The following HBE1 variants were observed in gnomAD, a reference collection of about 807,000 sequenced individuals.
HBE1 encodes the protein hemoglobin subunit epsilon 1, also known as hemoglobin subunit epsilon.
A neutral mutation model predicts 12.1 loss-of-function variants in HBE1; 10 were observed. That is an observed-to-expected ratio of 0.83 (90% CI 0.51 to 1.40). The LOEUF is 1.40. Ranked by LOEUF, HBE1 falls within the 40% of genes most tolerant of loss-of-function variation. The pLI, the probability that HBE1 is intolerant of heterozygous loss-of-function variation, is 0.00. For missense variants in HBE1, 172 were observed against 175.8 expected (o/e 0.98, Z 0.12); for synonymous variants, 78 against 70.4 (o/e 1.11, Z -0.54).
rs1343175813 is a variant in HBE1 at position 5,268,465 on chromosome 11, G to T, written c.*4C>A. The T allele has an allele frequency of 6.8e-6, 11 of 1,613,014 alleles. No homozygotes were observed. Among genetic ancestry groups the T allele is most frequent in the South Asian group, 1.1e-5 (1 of 90,978 alleles). On this transcript the variant is annotated 3_prime_UTR_variant, in exon 3 of 3. Coordinates refer to ENST00000396895, the MANE Select transcript of HBE1 (RefSeq NM_005330.4). ...ACAGGAACACCTGCAAACTGGAAGAGAACTCAGTGGTACTTATGGGCCAGG... is the reference window on the plus strand; with the variant it reads ...ACAGGAACACCTGCAAACTGGAAGATAACTCAGTGGTACTTATGGGCCAGG...
chr11:5,269,701 A>T, intron 1 of HBE1, 25 bp from the exon 2 acceptor site: 1 of 1,589,928 alleles, frequency 6.3e-7, no homozygotes, highest in South Asian at 1.1e-5. Flanking sequence ...CATATCAGAT[A>T]CAAAATTAGA....
In HBE1 at chr11:5,269,696, C is replaced by A; in HGVS notation, c.93-20G>T. The A allele has an allele frequency of 6.3e-7, 1 of 1,594,028 alleles. No homozygotes were observed. Among genetic ancestry groups the A allele is most frequent in the Non-Finnish European group, 8.6e-7 (1 of 1,162,304 alleles). ...AGGAGTCTATGAAATGACACCATAT[C>A]AGATACAAAATTAGAGATGCAAAAA... is the stretch of plus-strand genomic sequence containing the variant. On this transcript the variant is annotated intron_variant, in intron 1 of 2. Coordinates refer to ENST00000396895, the MANE Select transcript of HBE1 (RefSeq NM_005330.4).
Position 5,269,434 on chromosome 11 carries a change from T to A in HBE1, c.315+20A>T. 1 of 1,557,292 alleles carries A rather than the reference T, an allele frequency of 6.4e-7. No homozygotes were observed. The highest frequency in any genetic ancestry group is 8.9e-7 in the Non-Finnish European group (1 of 1,128,184). Reference sequence around the variant, plus strand: ...CAAAATATAAAGCCAAAAAATCACATCACCAGCACCTGAACTCACCTTGAA... The same window carrying A: ...CAAAATATAAAGCCAAAAAATCACAACACCAGCACCTGAACTCACCTTGAA... On this transcript the variant is annotated intron_variant, in intron 2 of 2. Transcript: ENST00000396895.
At position 5,269,936 on chromosome 11, in the gene HBE1, G is replaced by A. The variant is rs755078025; in HGVS notation, c.-46C>T. 2.1e-5 allele frequency: 28 copies of A among 1,327,708 alleles called. No homozygotes were observed. The South Asian group carries it at 3.2e-4, about 15-fold the overall frequency. 82.2% of individuals were successfully genotyped at this position (1,327,708 alleles called of 1,614,324 possible). On this transcript the variant is annotated 5_prime_UTR_variant, in exon 1 of 3. Transcript: ENST00000396895. The stretch of plus-strand genomic sequence containing the variant: ...GCTAGTGATTGCAGCTGTGTCGGAA[G>A]CAGATATGTGCTGCTGCCTCTCTGT...
Position 5,268,564 on chromosome 11 carries a change from T to C in HBE1, c.349A>G (p.Thr117Ala). ...LGNVMVIILATHFGKEFTPEV... is the reference protein window; with the variant it reads ...LGNVMVIILAAHFGKEFTPEV... ...GGGGTGAACTCCTTGCCAAAGTGAG[T>C]AGCCAGAATAATCACCATCACGTTA... The change falls in exon 3 of 3, where the codon ACT (threonine) becomes GCT (alanine). Residue 117 changes from threonine (T) to alanine (A), a missense_variant. Transcript: ENST00000396895. The C allele has an allele frequency of 6.2e-7, 1 of 1,613,518 alleles. No individual in the cohort carries two copies. The highest frequency in any genetic ancestry group is 1.1e-5 in the South Asian group (1 of 91,058).
intron 2 of HBE1, 29 bp from the exon 3 acceptor site, chr11:5,268,626 A>C: frequency 1.3e-6 from 2 of 1,596,144 alleles, no homozygotes; most frequent in Non-Finnish European, 1.7e-6. Flanking sequence ...AATAACACAC[A>C]GGCATGTTGA....
At chr11:5,268,953 C>T (rs918254029) in intron 2 of HBE1, among the ~76,000 whole-genome samples, 1 of 152,074 alleles carries the variant, frequency 6.6e-6, no homozygotes, top group East Asian at 1.9e-4. Flanking sequence ...GTTTAAAATC[C>T]CCAACAAATT....
chr11:5,268,730 G>A, intron 2 of HBE1, 133 bp from the exon 3 acceptor site: 1 of 798,932 alleles, frequency 1.3e-6, no homozygotes, highest in East Asian at 2.6e-5. Context: ...ACCTCAAACT[G>A]TTCCAAGGTT....
intron 1 of HBE1, 46 bp downstream of exon 1, chr11:5,269,753 G>A (rs1403079407): frequency 6.4e-7 from 1 of 1,567,618 alleles, no homozygotes; most frequent in Admixed American, 1.7e-5. Context: ...AACTTGCTAG[G>A]GTAATATTCA....
At chr11:5,268,714 A>C in intron 2 of HBE1, 117 bp from the exon 3 acceptor site, 1 of 925,160 alleles carries the variant, frequency 1.1e-6, no homozygotes. Flanking sequence ...TTCCTAGACA[A>C]CCCTGACCTC....
chr11:5,269,525 G>A lies in HBE1; in HGVS notation c.244C>T (p.Leu82Phe), dbSNP rs766412508. The change falls in exon 2 of 3, where the codon CTC (leucine) becomes TTC (phenylalanine). Residue 82 changes from leucine to phenylalanine, a missense_variant. Physicochemically the swap from Leu to Phe is conservative, Grantham distance 22 (BLOSUM62 0). Transcript: ENST00000396895. ...FGDAIKNMDN[L>F]KPAFAKLSEL... The stretch of plus-strand genomic sequence containing the variant: ...CTCAGCTTAGCAAAGGCGGGCTTGA[G>A]GTTGTCCATGTTTTTAATAGCATCT... 8.7e-6 allele frequency: 14 copies of A among 1,613,912 alleles called. No homozygotes were observed. The highest frequency in any genetic ancestry group is 1.3e-5 in the African/African-American group (1 of 74,902).
intron 2 of HBE1, among the ~76,000 whole-genome samples, chr11:5,269,053 T>A (rs150238216): frequency 5.4e-4 from 82 of 152,322 alleles, no homozygotes; most frequent in African/African-American, 1.9e-3. Flanking sequence ...GCAAATCTTT[T>A]ATTTTTTTTG....
At position 5,268,546 on chromosome 11, in the gene HBE1, A is replaced by G. The variant is rs1301580018; in HGVS notation, c.367T>C (p.Phe123Leu). Residue 123 changes from phenylalanine to leucine, a missense_variant, in exon 3 of 3, where the codon TTC (phenylalanine) becomes CTC (leucine). Coordinates refer to ENST00000396895, the MANE Select transcript of HBE1 (RefSeq NM_005330.4). ...CAGGCAGCCTGCACTTCAGGGGTGAACTCCTTGCCAAAGTGAGTAGCCAGA... is the reference window on the plus strand; with the variant it reads ...CAGGCAGCCTGCACTTCAGGGGTGAGCTCCTTGCCAAAGTGAGTAGCCAGA... Reference protein sequence around the residue: ...IILATHFGKEFTPEVQAAWQK... With the variant: ...IILATHFGKELTPEVQAAWQK... 2.5e-6 allele frequency: 4 copies of G among 1,613,636 alleles called. No individual in the cohort carries two copies. Among genetic ancestry groups the G allele is most frequent in the Non-Finnish European group, 2.5e-6 (3 of 1,179,680 alleles).
chr11:5,268,663 G>C, intron 2 of HBE1, 66 bp from the exon 3 acceptor site: 3 of 1,089,708 alleles, frequency 2.8e-6, no homozygotes, highest in South Asian at 2.8e-5. Context: ...ACAACTTGAT[G>C]AAAAAACAAA....
At chr11:5,268,886 C>A (rs1342875410) in intron 2 of HBE1, among the ~76,000 whole-genome samples, 1 of 152,100 alleles carries the variant, frequency 6.6e-6, no homozygotes, top group East Asian at 1.9e-4. Context: ...TTTCTTTAAG[C>A]AATTGTCTAA....
In HBE1 at chr11:5,269,935, A is replaced by T. The variant is rs1247056816; in HGVS notation, c.-45T>A. Reference sequence around the variant, plus strand: ...TGCTAGTGATTGCAGCTGTGTCGGAAGCAGATATGTGCTGCTGCCTCTCTG... The same window carrying T: ...TGCTAGTGATTGCAGCTGTGTCGGATGCAGATATGTGCTGCTGCCTCTCTG... On this transcript the variant is annotated 5_prime_UTR_variant, in exon 1 of 3. Coordinates refer to ENST00000396895, the MANE Select transcript of HBE1 (RefSeq NM_005330.4). 7.3e-7 allele frequency: 1 copy of T among 1,368,532 alleles called. No individual in the cohort carries two copies. Among genetic ancestry groups the T allele is most frequent in the Admixed American group, 1.7e-5 (1 of 59,476 alleles). 84.8% of individuals were successfully genotyped at this position (1,368,532 alleles called of 1,614,324 possible).
chr11:5,269,860 C>G lies in HBE1; in HGVS notation c.31G>C (p.Ala11Pro), dbSNP rs998051926. MVHFTAEEKA[A>P]VTSLWSKMNV... ...ATCTTGCTCCACAGGCTAGTGACGG[C>G]AGCCTTCTCCTCAGCAGTAAAATGC... The change falls in exon 1 of 3, where the codon GCC becomes CCC. Residue 11 changes from alanine (A) to proline (P), a missense_variant. Coordinates refer to ENST00000396895, the MANE Select transcript of HBE1 (RefSeq NM_005330.4). 2 of 1,613,686 alleles carry G rather than the reference C, an allele frequency of 1.2e-6. No individual in the cohort carries two copies. Among genetic ancestry groups the G allele is most frequent in the African/African-American group, 2.7e-5 (2 of 74,908 alleles).
intron 2 of HBE1, among the ~76,000 whole-genome samples, chr11:5,268,924 G>A (rs573210354): frequency 6.6e-6 from 1 of 152,278 alleles, no homozygotes; most frequent in East Asian, 1.9e-4. Context: ...TGTGAGTGCT[G>A]CAAGAGTTCT....
chr11:5,269,368 T>C (rs1211794412), intron 2 of HBE1, 86 bp downstream of exon 2: 8 of 985,796 alleles, frequency 8.1e-6, no homozygotes, highest in Non-Finnish European at 1.3e-5. Flanking sequence ...TCTGAGATCT[T>C]TGTTGGTCTT....
Sources: gnomAD v4.1 joint callset for allele counts (sites outside exome capture counted in the v4.1 genomes callset) on GRCh38, gnomAD v4.1.1 for gene constraint, MANE v1.5 for transcripts, NCBI Gene and HGNC (gene_info 2026-07-23, HGNC 2026-07-21) for gene names.